The following RNF6 variants were observed in gnomAD, a reference collection of about 807,000 sequenced individuals.
The protein encoded by RNF6 is E3 ubiquitin-protein ligase RNF6.
Under a neutral mutation model 50.1 loss-of-function variants are expected in RNF6, and 21 were observed. That is an observed-to-expected ratio of 0.42 (90% CI 0.30 to 0.60). RNF6 has a LOEUF of 0.60. RNF6 is among the 20% of genes least tolerant of loss of function. The probability of loss-of-function intolerance (pLI) is 0.20; values close to 1 mark genes in which losing one functional copy is unlikely to be tolerated. For missense variants in RNF6, 698 were observed against 838.2 expected (o/e 0.83, Z 2.07); for synonymous variants, 255 against 291.8 (o/e 0.87, Z 1.29).
intron 5 of RNF6, among the ~76,000 whole-genome samples, chr13:26,169,952 T>C (rs1566418308): frequency 6.6e-6 from 1 of 152,242 alleles, no homozygotes; most frequent in Non-Finnish European, 1.5e-5. Flanking sequence ...CCTGTTTAAT[T>C]CTGTCCAGTG....
intron 5 of RNF6, among the ~76,000 whole-genome samples, chr13:26,192,663 C>T (rs554096995): frequency 6.6e-6 from 1 of 152,202 alleles, no homozygotes; most frequent in Non-Finnish European, 1.5e-5. Context: ...TGGAAAGGCC[C>T]ATGTGGCAAG....
intron 5 of RNF6, among the ~76,000 whole-genome samples, chr13:26,176,882 C>T (rs911976550): frequency 1.3e-5 from 2 of 152,240 alleles, no homozygotes; most frequent in African/African-American, 2.4e-5. Context: ...TGCAGTGAGC[C>T]GAGGTGGCGC....
intron 5 of RNF6, among the ~76,000 whole-genome samples, chr13:26,139,054 T>C (rs534795114): frequency 6.6e-6 from 1 of 152,304 alleles, no homozygotes; most frequent in African/African-American, 2.4e-5. Flanking sequence ...TGTTTCGACA[T>C]CTTAAAATTC....
intron 5 of RNF6, among the ~76,000 whole-genome samples, chr13:26,190,108 C>G (rs887220519): frequency 6.6e-6 from 1 of 152,122 alleles, no homozygotes; most frequent in Non-Finnish European, 1.5e-5. Flanking sequence ...CCTTTCTACC[C>G]TTTAGAAACC....
Position 26,213,990 on chromosome 13 carries a change from A to C in RNF6, c.1892T>G (p.Ile631Ser). The change falls in exon 5 of 5, where the codon ATC becomes AGC. Residue 631 changes from isoleucine (I) to serine (S), a missense_variant. By Grantham distance (142) the Ile-to-Ser change is moderately radical. Transcript: ENST00000381588. ...ATAGTCACTAATACAAACACTACAG[A>C]TTTTACCTAGTTCACTATCAATACT... Reference protein sequence around the residue: ...HNSIDSELGKICSVCISDYVT... With the variant: ...HNSIDSELGKSCSVCISDYVT... The C allele has an allele frequency of 3.7e-6, 6 of 1,614,154 alleles. No individual in the cohort carries two copies. The highest frequency in any genetic ancestry group is 1.3e-5 in the African/African-American group (1 of 75,022).
At chr13:26,166,169 A>C (rs1872442833) in intron 5 of RNF6, among the ~76,000 whole-genome samples, 1 of 152,182 alleles carries the variant, frequency 6.6e-6, no homozygotes, top group African/African-American at 2.4e-5. Flanking sequence ...GTTTCCCTGC[A>C]CAATCTCTCT....
chr13:26,184,182 C>G (rs1013881651), intron 5 of RNF6, among the ~76,000 whole-genome samples: 3 of 131,912 alleles, frequency 2.3e-5, no homozygotes, highest in African/African-American at 8.9e-5. Flanking sequence ...TGCCCGCCAC[C>G]CACCACGCCA....
intron 5 of RNF6, among the ~76,000 whole-genome samples, chr13:26,146,060 T>C (rs1330087048): frequency 6.6e-6 from 1 of 152,208 alleles, no homozygotes; most frequent in East Asian, 1.9e-4. Context: ...TTGGGTCATC[T>C]GGAATCAGTG....
At position 26,136,662 on chromosome 13, in the gene RNF6, T is replaced by C. The variant is rs552832790; in HGVS notation, n.769-4211A>G. 5.3e-5 allele frequency among the ~76,000 whole-genome samples: 8 copies of C among 152,316 alleles called. No individual in the cohort carries two copies. The South Asian group carries it at 1.4e-3, about 28-fold the overall frequency. On this transcript the variant is annotated intron_variant and non_coding_transcript_variant, in intron 5 of 5. Transcript: ENST00000468480. ...TTTGGCTGTGTCTTATTCACTGAAA[T>C]ATCAGGTTTAAAGTAAAACAATCTG... is the stretch of plus-strand genomic sequence containing the variant.
intron 5 of RNF6, among the ~76,000 whole-genome samples, chr13:26,206,884 G>A (rs769331396): frequency 4.6e-5 from 7 of 151,026 alleles, no homozygotes; most frequent in African/African-American, 1.2e-4. Context: ...ATGGGCCCTC[G>A]ACACTTTTCC....
At chr13:26,177,024 A>C (rs1245430875) in intron 5 of RNF6, among the ~76,000 whole-genome samples, 1 of 152,234 alleles carries the variant, frequency 6.6e-6, no homozygotes, top group Non-Finnish European at 1.5e-5. Context: ...AGCAACAGAT[A>C]TTAGACTGAT....
intron 5 of RNF6, among the ~76,000 whole-genome samples, chr13:26,172,899 C>T (rs187020458): frequency 6.6e-6 from 1 of 151,902 alleles, no homozygotes; most frequent in Non-Finnish European, 1.5e-5. Context: ...GAAAGGTTTT[C>T]TACCCAGACT....
intron 5 of RNF6, among the ~76,000 whole-genome samples, chr13:26,207,318 C>T (rs1869151093): frequency 6.6e-6 from 1 of 151,494 alleles, no homozygotes; most frequent in African/African-American, 2.4e-5. Flanking sequence ...TAGGCAGAAG[C>T]CAAAATATGA....
chr13:26,159,624 C>CA (rs35172799), intron 5 of RNF6, among the ~76,000 whole-genome samples: 35 of 143,110 alleles, frequency 2.4e-4, no homozygotes, highest in African/African-American at 3.6e-4. Context: ...AACTCCATCT[C>CA]AAAAAAAAAA....
At position 26,214,857 on chromosome 13, in the gene RNF6, C is replaced by G; in HGVS notation, c.1025G>C (p.Arg342Thr). 6.2e-7 allele frequency: 1 copy of G among 1,614,236 alleles called. No individual in the cohort carries two copies. The highest frequency in any genetic ancestry group is 1.1e-5 in the South Asian group (1 of 91,082). Residue 342 changes from arginine (R) to threonine (T), a missense_variant, in exon 5 of 5, where the codon AGG becomes ACG. Arg to Thr is a moderately conservative substitution (Grantham distance 71). Transcript: ENST00000381588. Reference sequence around the variant, plus strand: ...AAAGACTCGAGTTCTACCTCTCCTCCTAACAGATCTTCTAGTGGTTTGCTG... The same window carrying G: ...AAAGACTCGAGTTCTACCTCTCCTCGTAACAGATCTTCTAGTGGTTTGCTG... The part of the protein sequence containing the change: ...PVQQTTRRSV[R>T]RRGRTRVFLE...
intron 5 of RNF6, chr13:26,154,084 T>C (rs1871780297): frequency 6.6e-6 from 1 of 152,210 alleles, no homozygotes; most frequent in Non-Finnish European, 1.5e-5. Flanking sequence ...ACCTGCAATA[T>C]AGCAATGAAC....
At position 26,133,519 on chromosome 13, in the gene RNF6, T is replaced by C. The variant is rs992172863; in HGVS notation, n.769-1068A>G. On this transcript the variant is annotated intron_variant and non_coding_transcript_variant, in intron 5 of 5. Coordinates refer to the RNF6 transcript ENST00000468480. ...AACCTGATCACGTTTGTCAGTCTGT[T>C]TCCTCTCTATTGTTCAAATTGGGTA... Among the ~76,000 whole-genome samples the C allele has an allele frequency of 3.9e-5, 6 of 152,342 alleles. No individual in the cohort carries two copies. In the East Asian group the frequency reaches 1.2e-3, roughly 29 times the overall value.
chr13:26,194,129 G>A (rs1376070602), intron 5 of RNF6, among the ~76,000 whole-genome samples: 3 of 152,120 alleles, frequency 2.0e-5, no homozygotes, highest in Non-Finnish European at 2.9e-5. Flanking sequence ...GAGACTAGTC[G>A]ATATAGATGA....
At chr13:26,194,111 A>T (rs1326873646) in intron 5 of RNF6, among the ~76,000 whole-genome samples, 1 of 152,236 alleles carries the variant, frequency 6.6e-6, no homozygotes, top group African/African-American at 2.4e-5. Context: ...GTAATAATGA[A>T]TTTAAATGAG....
Sources: gnomAD v4.1 joint callset for allele counts (sites outside exome capture counted in the v4.1 genomes callset) on GRCh38, gnomAD v4.1.1 for gene constraint, MANE v1.5 for transcripts, NCBI Gene and HGNC (gene_info 2026-07-23, HGNC 2026-07-21) for gene names.